CSMD1: variants seen among roughly 807,000 people sequenced by gnomAD.
CSMD1 encodes CUB and sushi domain-containing protein 1.
Under a neutral mutation model 417.5 loss-of-function variants are expected in CSMD1, and 213 were observed. The ratio of observed to expected loss-of-function variants is 0.51; its 90% CI spans 0.46 to 0.57. The LOEUF is 0.57. Ranked by LOEUF, CSMD1 falls within the 20% of genes least tolerant of loss-of-function variation. The pLI is 0.00. For missense variants in CSMD1, 6,923 were observed against 4,529.7 expected (o/e 1.53, Z -15.17); for synonymous variants, 2,862 against 1,736.8 (o/e 1.65, Z -16.11).
At chr8:3,714,057 T>TAGATAGAC (rs1801681315) in intron 6 of CSMD1, among the ~76,000 whole-genome samples, 1 of 139,656 alleles carries the variant, frequency 7.2e-6, no homozygotes, top group Non-Finnish European at 1.6e-5. Flanking sequence ...GATAGATAGA[T>TAGATAGAC]AGATGTCCAC....
chr8:4,679,349 T>G (rs2130971325), intron 1 of CSMD1, among the ~76,000 whole-genome samples: 1 of 152,316 alleles, frequency 6.6e-6, no homozygotes, highest in South Asian at 2.1e-4. Flanking sequence ...AACAATGAAA[T>G]ATTAAACATT....
At chr8:4,376,312 G>C (rs1034631885) in intron 3 of CSMD1, among the ~76,000 whole-genome samples, 1 of 152,134 alleles carries the variant, frequency 6.6e-6, no homozygotes, top group East Asian at 1.9e-4. Context: ...AGAAAGTCAG[G>C]ACATTTTCAA....
At chr8:3,985,797 C>A (rs1365680084) in intron 5 of CSMD1, among the ~76,000 whole-genome samples, 1 of 151,240 alleles carries the variant, frequency 6.6e-6, no homozygotes, top group African/African-American at 2.4e-5. Flanking sequence ...ACCCTGTCGC[C>A]CAGATTGGAC....
At chr8:3,454,774 C>T (rs191203600) in intron 12 of CSMD1, among the ~76,000 whole-genome samples, 65 of 152,292 alleles carry the variant, frequency 4.3e-4, no homozygotes, top group African/African-American at 1.5e-3. Flanking sequence ...TTTGCTGAAT[C>T]TGACAATTAT....
At chr8:3,684,689 G>C (rs148512284) in intron 7 of CSMD1, among the ~76,000 whole-genome samples, 1,909 of 148,570 alleles carry the variant, frequency 0.013, 38 homozygotes, top group African/African-American at 0.045. Flanking sequence ...GCTCCGCCTC[G>C]CAGGTTCACG....
chr8:4,134,418 G>C (rs1193264334), intron 3 of CSMD1, among the ~76,000 whole-genome samples: 2 of 152,206 alleles, frequency 1.3e-5, no homozygotes, highest in African/African-American at 4.8e-5. Flanking sequence ...TTTGAAGACA[G>C]AGGGAGAAGA....
At chr8:4,625,690 G>C (rs947911965) in intron 2 of CSMD1, among the ~76,000 whole-genome samples, 21 of 152,006 alleles carry the variant, frequency 1.4e-4, no homozygotes, top group South Asian at 4.2e-4. Flanking sequence ...CAAATATAAT[G>C]ATTATCGTAT....
chr8:3,266,991 G>A (rs773180976), intron 26 of CSMD1, among the ~76,000 whole-genome samples: 19 of 152,128 alleles, frequency 1.2e-4, no homozygotes, highest in Non-Finnish European at 2.8e-4. Context: ...CAAACAAGCT[G>A]ACACTCATAT....
intron 50 of CSMD1, among the ~76,000 whole-genome samples, chr8:3,037,083 T>C (rs762079729): frequency 1.3e-5 from 2 of 152,230 alleles, no homozygotes; most frequent in African/African-American, 4.8e-5. Context: ...TATTTGGTCT[T>C]CCATTCCTGA....
chr8:4,922,854 G>T (rs1033077592), intron 1 of CSMD1, among the ~76,000 whole-genome samples: 15 of 152,284 alleles, frequency 9.9e-5, no homozygotes, highest in African/African-American at 3.4e-4. Flanking sequence ...GTTTTTCCTA[G>T]TGCTAAAGTT....
chr8:4,357,415 C>T (rs776389763), intron 3 of CSMD1, among the ~76,000 whole-genome samples: 53 of 152,126 alleles, frequency 3.5e-4, no homozygotes, highest in Non-Finnish European at 5.9e-4. Flanking sequence ...TACTCCAAGG[C>T]CAGAAATATT....
chr8:3,671,275 A>G (rs1255382849), intron 7 of CSMD1, among the ~76,000 whole-genome samples: 1 of 146,904 alleles, frequency 6.8e-6, no homozygotes, highest in Non-Finnish European at 1.5e-5. Context: ...TATATATATG[A>G]TGTGCCTGGA....
intron 3 of CSMD1, among the ~76,000 whole-genome samples, chr8:4,138,832 C>A: frequency 6.6e-6 from 1 of 152,024 alleles, no homozygotes; most frequent in East Asian, 1.9e-4. Flanking sequence ...GAGGCAAATT[C>A]TATAGAGAAT....
intron 2 of CSMD1, among the ~76,000 whole-genome samples, chr8:4,628,866 G>GT: frequency 6.6e-6 from 1 of 152,228 alleles, no homozygotes; most frequent in South Asian, 2.1e-4. Flanking sequence ...CGTTGATGGT[G>GT]TTTTATTATG....
chr8:4,908,047 T>C (rs1243712227), intron 1 of CSMD1, among the ~76,000 whole-genome samples: 1 of 152,228 alleles, frequency 6.6e-6, no homozygotes, highest in Non-Finnish European at 1.5e-5. Context: ...GAATGTACAA[T>C]AGTTTTCCAT....
At chr8:3,611,019 G>A (rs565339998) in intron 8 of CSMD1, among the ~76,000 whole-genome samples, 1 of 144,748 alleles carries the variant, frequency 6.9e-6, no homozygotes, top group South Asian at 2.2e-4. Flanking sequence ...ACTCATAGGT[G>A]GGAACTGAAC....
intron 50 of CSMD1, among the ~76,000 whole-genome samples, chr8:3,041,827 C>G (rs1260451609): frequency 6.6e-6 from 1 of 152,206 alleles, no homozygotes; most frequent in Non-Finnish European, 1.5e-5. Context: ...TGGCGGTAAA[C>G]CCCATGTAGC....
chr8:4,876,592 C>CT (rs1471872525), intron 1 of CSMD1, among the ~76,000 whole-genome samples: 14 of 152,032 alleles, frequency 9.2e-5, no homozygotes, highest in South Asian at 2.1e-4. Flanking sequence ...ATAATATAGC[C>CT]TTTTTTTGTA....
intron 3 of CSMD1, among the ~76,000 whole-genome samples, chr8:4,133,220 G>A: frequency 6.6e-6 from 1 of 152,198 alleles, no homozygotes; most frequent in African/African-American, 2.4e-5. Flanking sequence ...ACAGACATGA[G>A]TCACCATGCC....
Sources: gnomAD v4.1 joint callset for allele counts (sites outside exome capture counted in the v4.1 genomes callset) on GRCh38, gnomAD v4.1.1 for gene constraint, MANE v1.5 for transcripts, NCBI Gene and HGNC (gene_info 2026-07-23, HGNC 2026-07-21) for gene names.